Variants in GLI3 observed in about 807,000 individuals in gnomAD.
GLI3 encodes GLI family zinc finger 3.
GLI3 carries 20 observed loss-of-function variants against 100.8 expected under a neutral mutation model. That is an observed-to-expected ratio of 0.20 (90% CI 0.14 to 0.29). The LOEUF (loss-of-function observed/expected upper bound fraction) is 0.29, where lower values mean the gene tolerates loss of function less well. Ranked by LOEUF, GLI3 falls within the 10% of genes least tolerant of loss-of-function variation. The pLI is 1.00. For synonymous variants in GLI3, 938 were observed against 860.5 expected, an observed-to-expected ratio of 1.09 and a Z score of -1.58; for missense variants, 2,040 against 2,128.5, an observed-to-expected ratio of 0.96 and a Z score of 0.82.
In GLI3 at chr7:42,090,156, A is replaced by G. The variant is rs78978263; in HGVS notation, c.368-13299T>C. ...AAAATATTTTTAAAATGCTACACCT[A>G]TATAGAGCACTTACCATTAATGGAG... On this transcript the variant is annotated intron_variant, in intron 3 of 14. Coordinates refer to ENST00000395925, the MANE Select transcript of GLI3 (RefSeq NM_000168.6). Among the ~76,000 whole-genome samples, 677 of 152,326 alleles carry G rather than the reference A, an allele frequency of 4.4e-3. 3 individuals carry two copies. The highest frequency in any genetic ancestry group is 0.015 in the African/African-American group (624 of 41,566).
chr7:42,241,413 A>G (rs888893116), upstream of GLI3, among the ~76,000 whole-genome samples: 1 of 152,104 alleles, frequency 6.6e-6, no homozygotes, highest in Admixed American at 6.5e-5. Flanking sequence ...TGTTCTGCAC[A>G]CACTTTGCCA....
chr7:42,028,499 C>T (rs1369725674), intron 7 of GLI3, among the ~76,000 whole-genome samples: 1 of 152,172 alleles, frequency 6.6e-6, no homozygotes, highest in Non-Finnish European at 1.5e-5. Flanking sequence ...CGCGGTGGCT[C>T]ACGCCTGTAA....
chr7:42,083,275 C>A (rs1785034370), intron 3 of GLI3, among the ~76,000 whole-genome samples: 1 of 152,188 alleles, frequency 6.6e-6, no homozygotes, highest in Non-Finnish European at 1.5e-5. Context: ...TTAGGTCCCA[C>A]AAATAAGTGA....
Position 42,016,703 on chromosome 7 carries a change from C to CCAT in GLI3, c.1497+6762_1497+6764dup, listed in dbSNP as rs532668811. 1.4e-3 allele frequency among the ~76,000 whole-genome samples: 214 copies of CCAT among 151,828 alleles called. 1 individual carries two copies. The highest frequency in any genetic ancestry group is 3.8e-3 in the African/African-American group (158 of 41,410). On this transcript the variant is annotated intron_variant, in intron 10 of 14. Transcript: ENST00000395925. ...TCTTCTCAAATCATCATCATCACCA[C>CCAT]CATCATCATCATCATCATCATCACC... is the stretch of plus-strand genomic sequence containing the variant.
chr7:41,990,415 T>C (rs1015216203), intron 10 of GLI3, among the ~76,000 whole-genome samples: 1 of 152,104 alleles, frequency 6.6e-6, no homozygotes, highest in Admixed American at 6.6e-5. Flanking sequence ...ATAAAAAACG[T>C]AAATGAAAAA....
rs541590451 is a variant in GLI3, at chr7:42,132,291, G to A, written c.367+15935C>T. ...AATTTTTTGTATTTTTAGTAGAGAT[G>A]GGGTTTCACCATGTTAGCCAGGATG... On this transcript the variant is annotated intron_variant, in intron 3 of 14. Coordinates refer to ENST00000395925, the MANE Select transcript of GLI3 (RefSeq NM_000168.6). Among the ~76,000 whole-genome samples, 25 of 147,876 alleles carry A rather than the reference G, an allele frequency of 1.7e-4. No homozygotes were observed. In the East Asian group the frequency reaches 2.9e-3, roughly 17 times the overall value.
chr7:42,014,738 TAGCCCCCA>T (rs994893962), intron 10 of GLI3, among the ~76,000 whole-genome samples: 1 of 152,190 alleles, frequency 6.6e-6, no homozygotes, highest in African/African-American at 2.4e-5. Context: ...CTCAAAGGGA[TAGCCCCCA>T]ACCCCAGCAC....
In GLI3 at chr7:41,964,601, A is replaced by G; in HGVS notation, c.4472T>C (p.Val1491Ala). The stretch of plus-strand genomic sequence containing the variant: ...CAGGTCATGGCTGTCGAGGCTGTCC[A>G]CTGTGCTTGTCACCTGATTAGCACC... Reference protein sequence around the residue: ...SPGANQVTSTVDSLDSHDLEG... With the variant: ...SPGANQVTSTADSLDSHDLEG... The change falls in exon 15 of 15, where the codon GTG (valine) becomes GCG (alanine). Residue 1491 changes from valine to alanine, a missense_variant. Physicochemically the swap from Val to Ala is moderately conservative, Grantham distance 64. Around this residue, in one of 5 missense-constraint regions of GLI3, gnomAD observed 1,041 missense variants for 924.0 expected, o/e 1.13. Coordinates refer to ENST00000395925, the MANE Select transcript of GLI3 (RefSeq NM_000168.6). The G allele has an allele frequency of 1.2e-6, 2 of 1,614,096 alleles. No individual in the cohort carries two copies. The highest frequency in any genetic ancestry group is 1.7e-6 in the Non-Finnish European group (2 of 1,179,954).
chr7:42,199,003 T>TC (rs1164613757), intron 2 of GLI3, among the ~76,000 whole-genome samples: 1 of 152,016 alleles, frequency 6.6e-6, no homozygotes, highest in East Asian at 1.9e-4. Flanking sequence ...AGGCATTTTT[T>TC]CCCCAAAATT....
chr7:42,056,135 C>T (rs556470757), intron 4 of GLI3, among the ~76,000 whole-genome samples: 74 of 152,318 alleles, frequency 4.9e-4, no homozygotes, highest in African/African-American at 1.7e-3. Context: ...GTCCATTAAA[C>T]TTCTTTCTTT....
intron 2 of GLI3, among the ~76,000 whole-genome samples, chr7:42,157,810 G>A (rs1158432805): frequency 1.3e-5 from 2 of 152,156 alleles, no homozygotes; most frequent in Admixed American, 1.3e-4. Context: ...AAGTTTATCT[G>A]TTGAAGCCTT....
At chr7:42,197,110 C>T (rs903484256) in intron 2 of GLI3, among the ~76,000 whole-genome samples, 1 of 152,206 alleles carries the variant, frequency 6.6e-6, no homozygotes, top group East Asian at 1.9e-4. Flanking sequence ...AACTCACATC[C>T]GAGTCTGGCT....
In GLI3 at chr7:41,977,544, C is replaced by A. The variant is rs1470255644; in HGVS notation, c.1812+14G>T. 1 of 1,612,562 alleles carries A rather than the reference C, an allele frequency of 6.2e-7. No homozygotes were observed. Reference sequence around the variant, plus strand: ...TTTCCTTATGCAAGCTCCATGCCCACTGAGGATGCTTACCTCATTGGAATG... The same window carrying A: ...TTTCCTTATGCAAGCTCCATGCCCAATGAGGATGCTTACCTCATTGGAATG... On this transcript the variant is annotated intron_variant, in intron 12 of 14. Coordinates refer to ENST00000395925, the MANE Select transcript of GLI3 (RefSeq NM_000168.6).
At position 42,026,973 on chromosome 7, in the gene GLI3, T is replaced by C. The variant is rs183109156; in HGVS notation, c.1029-561A>G. On this transcript the variant is annotated intron_variant, in intron 7 of 14. Transcript: ENST00000395925. ...AGAATTTCCATCAGTGCCGTCTGGT[T>C]ACAGAAGCTGATGGATTAACCTCTC... 1.4e-3 allele frequency among the ~76,000 whole-genome samples: 217 copies of C among 152,372 alleles called. 1 individual carries two copies. The highest frequency in any genetic ancestry group is 1.6e-3 in the Non-Finnish European group (109 of 68,034).
chr7:42,098,149 C>T (rs572322751), intron 3 of GLI3, among the ~76,000 whole-genome samples: 5 of 152,134 alleles, frequency 3.3e-5, no homozygotes, highest in South Asian at 2.1e-4. Flanking sequence ...AGAAACGACA[C>T]GTGAAGAAGA....
At chr7:42,027,478 T>G (rs1411567252) in intron 7 of GLI3, among the ~76,000 whole-genome samples, 1 of 152,192 alleles carries the variant, frequency 6.6e-6, no homozygotes, top group Non-Finnish European at 1.5e-5. Flanking sequence ...AAATTTCCAA[T>G]CTGGTGGGTT....
chr7:41,993,072 G>A (rs1267838137), intron 10 of GLI3, among the ~76,000 whole-genome samples: 1 of 152,168 alleles, frequency 6.6e-6, no homozygotes, highest in Non-Finnish European at 1.5e-5. Context: ...CTGGAAAAGT[G>A]AGACTGTGAC....
intron 3 of GLI3, among the ~76,000 whole-genome samples, chr7:42,137,105 G>A (rs935140790): frequency 2.0e-5 from 3 of 152,124 alleles, no homozygotes; most frequent in Non-Finnish European, 4.4e-5. Context: ...CATGACAACC[G>A]CTCATAAGGT....
chr7:41,983,143 G>T (rs968680891), intron 10 of GLI3, among the ~76,000 whole-genome samples: 2 of 152,134 alleles, frequency 1.3e-5, no homozygotes, highest in Non-Finnish European at 2.9e-5. Flanking sequence ...TTGGCCTATG[G>T]GCCATTGACT....
Sources: allele counts gnomAD v4.1 joint callset (sites outside exome capture counted in the v4.1 genomes callset), GRCh38; gene constraint gnomAD v4.1.1; regional missense constraint gnomAD v4.1.1; transcripts MANE v1.5; gene names NCBI Gene and HGNC (gene_info 2026-07-23, HGNC 2026-07-21).